The following SYCP3 variants were observed in gnomAD, a reference collection of about 807,000 sequenced individuals.
SYCP3 encodes synaptonemal complex protein 3.
A neutral mutation model predicts 38.5 loss-of-function variants in SYCP3; 29 were observed. The ratio of observed to expected loss-of-function variants is 0.75; its 90% CI spans 0.56 to 1.03. The LOEUF (loss-of-function observed/expected upper bound fraction) is 1.03. Ranked by LOEUF, SYCP3 falls within the 50% of genes least tolerant of loss-of-function variation. The pLI is 0.00. For missense variants in SYCP3, 242 were observed against 270.7 expected (o/e 0.89, Z 0.74); for synonymous variants, 79 against 80.3 (o/e 0.98, Z 0.08).
At chr12:101,734,618 CAG>C (rs1019554795) in intron 5 of SYCP3, among the ~76,000 whole-genome samples, 18 of 152,010 alleles carry the variant, frequency 1.2e-4, no homozygotes, top group African/African-American at 4.3e-4. Context: ...TTTTTTTTGA[CAG>C]AGTCTCACTC....
intron 4 of SYCP3, among the ~76,000 whole-genome samples, chr12:101,735,872 T>TATATA (rs200896843): frequency 5.8e-5 from 4 of 69,554 alleles, no homozygotes; most frequent in Admixed American, 2.8e-4. Context: ...TATATATATA[T>TATATA]TTTTTTTTTT....
intron 1 of SYCP3, 160 bp downstream of exon 1, chr12:101,739,191 A>C: frequency 6.1e-6 from 4 of 660,416 alleles, no homozygotes; most frequent in Non-Finnish European, 7.4e-6. Flanking sequence ...CCCGCTTTCC[A>C]CTAGGCCCTA....
At position 101,739,333 on chromosome 12, in the gene SYCP3, C is replaced by T. The variant is rs1385057783; in HGVS notation, c.-18+18G>A. 2.0e-6 allele frequency: 2 copies of T among 1,002,836 alleles called. No homozygotes were observed. Among genetic ancestry groups the T allele is most frequent in the East Asian group, 1.1e-4 (1 of 8,814 alleles). The allele number at this position is 1,002,836 out of a possible 1,614,324, so 62.1% of individuals were successfully genotyped here. A position where few individuals can be genotyped will look rare whatever the true frequency, so the allele number is the denominator to read the frequency against. ...GGCCTGGACACCTGCGATAGACAGA[C>T]GCCTCCCCTGCTCACACCTGAAACA... On this transcript the variant is annotated intron_variant, in intron 1 of 8. Coordinates refer to ENST00000392924, the MANE Select transcript of SYCP3 (RefSeq NM_001177949.2).
At chr12:101,735,871 A>ATATATATATATTTTTTTTTTTTTTTTTTT in intron 4 of SYCP3, among the ~76,000 whole-genome samples, 1 of 74,788 alleles carries the variant, frequency 1.3e-5, no homozygotes, top group Non-Finnish European at 2.5e-5. Flanking sequence ...ATATATATAT[A>ATATATATATATTTTTTTTTTTTTTTTTTT]TTTTTTTTTT....
intron 6 of SYCP3, chr12:101,733,280 C>T: frequency 2.8e-6 from 1 of 359,556 alleles, no homozygotes. Context: ...CTGTTCCCAT[C>T]TGGCTATGCC....
chr12:101,733,252 A>G (rs1317882816), intron 6 of SYCP3: 1 of 320,814 alleles, frequency 3.1e-6, no homozygotes, highest in African/African-American at 2.1e-5. Flanking sequence ...AGATGACACT[A>G]CATGAGCAAC....
intron 1 of SYCP3, 95 bp from the exon 2 acceptor site, chr12:101,738,047 G>T: frequency 7.1e-7 from 1 of 1,402,984 alleles, no homozygotes; most frequent in Non-Finnish European, 9.9e-7. Context: ...ATCGAACAAG[G>T]ATTGTTGAAT....
intron 1 of SYCP3, among the ~76,000 whole-genome samples, chr12:101,739,094 C>G (rs941101523): frequency 6.6e-6 from 1 of 152,172 alleles, no homozygotes; most frequent in Non-Finnish European, 1.5e-5. Context: ...ACGCGCGGAG[C>G]GAGGTAGGGC....
chr12:101,733,775 A>T, intron 5 of SYCP3, 101 bp from the exon 6 acceptor site: 1 of 1,051,124 alleles, frequency 9.5e-7, no homozygotes, highest in Non-Finnish European at 1.4e-6. Flanking sequence ...AAGAAAAGGA[A>T]ATACCTGCAG....
chr12:101,739,325 TAGAC>T (rs895784304), intron 1 of SYCP3, 22 bp downstream of exon 1: 3 of 1,002,664 alleles, frequency 3.0e-6, no homozygotes, highest in Non-Finnish European at 3.6e-6. Context: ...ACACCTGCGA[TAGAC>T]AGACGCCTCC....
In SYCP3 at chr12:101,737,310, AT is replaced by A; in HGVS notation, c.134-13del. On this transcript the variant is annotated splice_polypyrimidine_tract_variant and intron_variant, in intron 2 of 8. Transcript: ENST00000392924. ...GACTGCAGTCTTCCCTGTATTGACA[AT>A]TAAAAAAAAAAAAAAAAAGCTTTTG... The A allele has an allele frequency of 1.3e-6, 2 of 1,548,508 alleles. No individual in the cohort carries two copies. Among genetic ancestry groups the A allele is most frequent in the South Asian group, 2.4e-5 (2 of 84,042 alleles).
intron 4 of SYCP3, among the ~76,000 whole-genome samples, chr12:101,736,637 G>C (rs1952455013): frequency 6.6e-6 from 1 of 151,734 alleles, no homozygotes; most frequent in Admixed American, 6.6e-5. Flanking sequence ...AAAGAAAATA[G>C]CATAGGAAGT....
intron 5 of SYCP3, among the ~76,000 whole-genome samples, chr12:101,734,180 A>G (rs561519502): frequency 2.0e-5 from 3 of 152,386 alleles, no homozygotes; most frequent in South Asian, 2.1e-4. Flanking sequence ...GTTCTTCTAC[A>G]TTGTTGAACA....
At chr12:101,735,863 A>T (rs1027611211) in intron 4 of SYCP3, among the ~76,000 whole-genome samples, 3 of 68,268 alleles carry the variant, frequency 4.4e-5, no homozygotes, top group East Asian at 7.8e-4. Flanking sequence ...ATATATATAT[A>T]TATATATATT....
At chr12:101,735,389 G>A (rs11110988) in intron 4 of SYCP3, among the ~76,000 whole-genome samples, 15,535 of 152,092 alleles carry the variant, frequency 0.1, 916 homozygotes, top group Middle Eastern at 0.2. Context: ...TAGGCCAGAC[G>A]CGGTGGCTCA....
At chr12:101,730,491 ATTTTTT>A (rs201662453) in intron 7 of SYCP3, 143 of 328,680 alleles carry the variant, frequency 4.4e-4, no homozygotes, top group Middle Eastern at 1.1e-3. Context: ...TGTGTGTATA[ATTTTTT>A]TTTTTTTTTT....
At chr12:101,730,083 T>C (rs774510914) in intron 7 of SYCP3, among the ~76,000 whole-genome samples, 15 of 152,052 alleles carry the variant, frequency 9.9e-5, no homozygotes, top group Non-Finnish European at 2.1e-4. Context: ...TACTGACAGT[T>C]TTTCAAGAGG....
In SYCP3 at chr12:101,728,799, T is replaced by TA. The variant is rs1156349103; in HGVS notation, c.*127dup. The TA allele has an allele frequency of 2.2e-6, 3 of 1,380,568 alleles. No individual in the cohort carries two copies. The highest frequency in any genetic ancestry group is 3.0e-6 in the Non-Finnish European group (3 of 994,366). The allele number at this position is 1,380,568 out of a possible 1,614,324, so 85.5% of individuals were successfully genotyped here. On this transcript the variant is annotated 3_prime_UTR_variant, in exon 9 of 9. Coordinates refer to ENST00000392924, the MANE Select transcript of SYCP3 (RefSeq NM_001177949.2). Reference sequence around the variant, plus strand: ...TTTGACTTAACAGAAAGGGAGGTCTTACAATGAAACAGGTTTATGATTAAA... The same window carrying TA: ...TTTGACTTAACAGAAAGGGAGGTCTTAACAATGAAACAGGTTTATGATTAAA...
intron 7 of SYCP3, among the ~76,000 whole-genome samples, chr12:101,730,065 C>A (rs1018776094): frequency 6.6e-6 from 1 of 151,954 alleles, no homozygotes; most frequent in Non-Finnish European, 1.5e-5. Context: ...GAATTTAGAA[C>A]AGGAGGCTAC....
Sources: gnomAD v4.1 joint callset for allele counts (sites outside exome capture counted in the v4.1 genomes callset) on GRCh38, gnomAD v4.1.1 for gene constraint, MANE v1.5 for transcripts, NCBI Gene and HGNC (gene_info 2026-07-23, HGNC 2026-07-21) for gene names.